DACH2: variants seen among roughly 807,000 people sequenced by gnomAD.
The protein encoded by DACH2 is dachshund homolog 2.
A neutral mutation model predicts 35.8 loss-of-function variants in DACH2; 17 were observed. That is an observed-to-expected ratio of 0.48 (90% CI 0.33 to 0.71). DACH2 has a LOEUF of 0.71. DACH2 is among the 30% of genes least tolerant of loss of function. The pLI is 0.02. For missense variants in DACH2, 469 were observed against 472.7 expected, an observed-to-expected ratio of 0.99 and a Z score of 0.07; for synonymous variants, 195 against 177.3, an observed-to-expected ratio of 1.10 and a Z score of -0.79.
chrX:86,442,052 G>A (rs2037172546), intron 2 of DACH2, among the ~76,000 whole-genome samples: 2 of 109,460 alleles, frequency 1.8e-5, no homozygotes, highest in African/African-American at 6.6e-5. Flanking sequence ...TTTTTTTGTG[G>A]AGATGGGAAT....
rs189860437 is a variant in DACH2, at chrX:86,361,404, C to A, written c.489-15420C>A. ...ATTTCATTATTTTATACCAATATTT[C>A]TAAGAGAACTCCAACAATTATCTTG... On this transcript the variant is annotated intron_variant, in intron 1 of 11. Transcript: ENST00000373125. 3.8e-4 allele frequency among the ~76,000 whole-genome samples: 42 copies of A among 111,505 alleles called. No individual in the cohort carries two copies. In the Admixed American group the frequency reaches 4.0e-3, roughly 11 times the overall value.
intron 7 of DACH2, among the ~76,000 whole-genome samples, chrX:86,742,172 A>G (rs961152388): frequency 9.0e-6 from 1 of 110,648 alleles, no homozygotes; most frequent in Non-Finnish European, 1.9e-5. Flanking sequence ...GAATGATACC[A>G]AGATTGTCTA....
At chrX:86,540,781 TCAGA>T (rs2038869374) in intron 3 of DACH2, among the ~76,000 whole-genome samples, 5 of 111,956 alleles carry the variant, frequency 4.5e-5, no homozygotes, top group South Asian at 3.7e-4. Flanking sequence ...TTGTTGCTAC[TCAGA>T]CAGGCTGTGA....
At chrX:86,737,996 C>T (rs1215861905) in intron 6 of DACH2, among the ~76,000 whole-genome samples, 3 of 111,318 alleles carry the variant, frequency 2.7e-5, no homozygotes, top group Non-Finnish European at 5.7e-5. Context: ...CTTCCATCTT[C>T]AAAGCCAGCA....
rs779462419 is a variant in DACH2 at position 86,274,370 on chromosome X, T to G, written c.489-102454T>G. On this transcript the variant is annotated intron_variant, in intron 1 of 11. Transcript: ENST00000373125. ...GCTGAATATTACTAGGCAAAAAGATTTAGGGGCATCATTTCTTTGGCAGAT... is the reference window on the plus strand; with the variant it reads ...GCTGAATATTACTAGGCAAAAAGATGTAGGGGCATCATTTCTTTGGCAGAT... Among the ~76,000 whole-genome samples the G allele has an allele frequency of 3.6e-5, 4 of 110,584 alleles. 1 individual carries two copies. In the South Asian group the frequency reaches 1.5e-3, roughly 42 times the overall value.
At chrX:86,462,805 A>G (rs189810091) in intron 2 of DACH2, among the ~76,000 whole-genome samples, 1 of 111,191 alleles carries the variant, frequency 9.0e-6, no homozygotes, top group East Asian at 2.8e-4. Context: ...TCATGGCAAG[A>G]TAAAACAATA....
At chrX:86,445,562 T>TAAAA (rs2037254085) in intron 2 of DACH2, among the ~76,000 whole-genome samples, 2 of 15,884 alleles carry the variant, frequency 1.3e-4, no homozygotes, top group Non-Finnish European at 1.9e-4. Flanking sequence ...ACCATCAGAG[T>TAAAA]GAACAAAAAA....
chrX:86,584,872 T>A (rs1217628458), intron 3 of DACH2, among the ~76,000 whole-genome samples: 1 of 110,998 alleles, frequency 9.0e-6, no homozygotes, highest in African/African-American at 3.3e-5. Flanking sequence ...AGTGCCCAGT[T>A]TTTAGCTTTC....
chrX:86,424,744 C>T (rs2036864090), intron 2 of DACH2, among the ~76,000 whole-genome samples: 1 of 111,457 alleles, frequency 9.0e-6, no homozygotes, highest in Admixed American at 9.5e-5. Context: ...CAGTGAACAT[C>T]CTTGTTTTGT....
At chrX:86,315,163 C>A (rs1220860675) in intron 1 of DACH2, among the ~76,000 whole-genome samples, 1 of 111,947 alleles carries the variant, frequency 8.9e-6, no homozygotes, top group Non-Finnish European at 1.9e-5. Flanking sequence ...ATTTACCATT[C>A]TGAAAATCTT....
chrX:86,712,994 GATA>G (rs2148458981), intron 5 of DACH2, among the ~76,000 whole-genome samples: 1 of 111,401 alleles, frequency 9.0e-6, no homozygotes, highest in South Asian at 3.7e-4. Context: ...AACACTGGTG[GATA>G]ATGTTTTCTT....
chrX:86,387,133 C>T (rs964554043), intron 2 of DACH2, among the ~76,000 whole-genome samples: 1 of 111,155 alleles, frequency 9.0e-6, no homozygotes, highest in Non-Finnish European at 1.9e-5. Flanking sequence ...TGAAACCTAT[C>T]CCCTTATCCA....
At chrX:86,764,828 C>A (rs2147287703) in intron 7 of DACH2, among the ~76,000 whole-genome samples, 1 of 112,312 alleles carries the variant, frequency 8.9e-6, no homozygotes, top group South Asian at 3.7e-4. Context: ...AGTGGCTGAA[C>A]TAATTTGCAT....
chrX:86,232,888 A>G (rs1413770483), intron 1 of DACH2, among the ~76,000 whole-genome samples: 1 of 112,325 alleles, frequency 8.9e-6, no homozygotes, highest in Non-Finnish European at 1.9e-5. Flanking sequence ...AGACACATGC[A>G]CATGTATGTT....
At chrX:86,743,528 A>G (rs890105323) in intron 7 of DACH2, among the ~76,000 whole-genome samples, 3 of 111,479 alleles carry the variant, frequency 2.7e-5, no homozygotes, top group Admixed American at 9.6e-5. Flanking sequence ...AAATTTTTCT[A>G]TTTACTAAAG....
chrX:86,709,240 A>G (rs1202938587), intron 5 of DACH2, among the ~76,000 whole-genome samples: 1 of 111,984 alleles, frequency 8.9e-6, no homozygotes, highest in Non-Finnish European at 1.9e-5. Context: ...TAGAGAGCCT[A>G]GAAATAGATC....
chrX:86,515,550 G>A (rs1383290442), intron 3 of DACH2, among the ~76,000 whole-genome samples: 2 of 110,985 alleles, frequency 1.8e-5, no homozygotes, highest in African/African-American at 6.5e-5. Flanking sequence ...GAAAGGGAGG[G>A]AAAAGCCAGC....
chrX:86,789,871 T>C (rs1489469676), intron 7 of DACH2, among the ~76,000 whole-genome samples: 3 of 111,422 alleles, frequency 2.7e-5, no homozygotes, highest in Admixed American at 9.6e-5. Context: ...TCAATAGAAA[T>C]AGATGTCACC....
chrX:86,171,538 G>A (rs1199317970), intron 1 of DACH2, among the ~76,000 whole-genome samples: 1 of 111,801 alleles, frequency 8.9e-6, no homozygotes, highest in African/African-American at 3.3e-5. Context: ...GCTGGGATTG[G>A]GGATTCCCCT....
Sources: allele counts gnomAD v4.1 joint callset (sites outside exome capture counted in the v4.1 genomes callset), GRCh38; gene constraint gnomAD v4.1.1; transcripts MANE v1.5; gene names NCBI Gene and HGNC (gene_info 2026-07-23, HGNC 2026-07-21).